Variants in SEM1 observed in about 807,000 individuals in gnomAD.
SEM1 encodes the protein 26S proteasome complex subunit SEM1.
SEM1 carries 3 observed loss-of-function variants against 12.7 expected under a neutral mutation model. The ratio of observed to expected loss-of-function variants is 0.24; its 90% CI spans 0.11 to 0.61. SEM1 has a LOEUF of 0.61. Among genes scored for constraint, SEM1 ranks in the 20% least tolerant of loss-of-function variants. SEM1 has a pLI of 0.88. For missense variants in SEM1, 59 were observed against 81.3 expected, an observed-to-expected ratio of 0.73 and a Z score of 1.06; for synonymous variants, 30 against 27.8, an observed-to-expected ratio of 1.08 and a Z score of -0.25.
intron 1 of SEM1, among the ~76,000 whole-genome samples, chr7:96,490,032 G>A (rs950768464): frequency 1.3e-5 from 2 of 151,976 alleles, no homozygotes; most frequent in African/African-American, 4.8e-5. Flanking sequence ...AATCCTGTAC[G>A]GAACCCTGAC....
chr7:96,627,541 A>G lies in SEM1; in HGVS notation c.171-4898T>C, dbSNP rs1808111486. The stretch of plus-strand genomic sequence containing the variant: ...TTTATTGACCCACTGGTCATTCAGG[A>G]GCATGTTGTTTAGTTTCCACGTACT... On this transcript the variant is annotated intron_variant, in intron 2 of 2. Transcript: ENST00000417009. Among the ~76,000 whole-genome samples, 3 of 151,966 alleles carry G rather than the reference A, an allele frequency of 2.0e-5. No individual in the cohort carries two copies. The South Asian group carries it at 6.2e-4, about 32-fold the overall frequency.
chr7:96,682,486 AG>A (rs1200956911), intron 2 of SEM1, among the ~76,000 whole-genome samples: 2 of 152,104 alleles, frequency 1.3e-5, no homozygotes. Context: ...GGATGCTTCC[AG>A]TTTTTGCCCA....
intron 2 of SEM1, among the ~76,000 whole-genome samples, chr7:96,660,307 G>A (rs1180122004): frequency 1.3e-5 from 2 of 152,054 alleles, no homozygotes; most frequent in African/African-American, 4.8e-5. Flanking sequence ...TAAATCAAAA[G>A]TTGATAGAAC....
intron 2 of SEM1, among the ~76,000 whole-genome samples, chr7:96,523,717 A>T (rs943469448): frequency 1.3e-5 from 2 of 152,050 alleles, no homozygotes; most frequent in Non-Finnish European, 2.9e-5. Flanking sequence ...ATCCTCAAAA[A>T]CTATTGAATG....
At chr7:96,690,961 C>T (rs1164935773) in intron 2 of SEM1, among the ~76,000 whole-genome samples, 2 of 151,980 alleles carry the variant, frequency 1.3e-5, no homozygotes, top group Non-Finnish European at 2.9e-5. Flanking sequence ...TTAGTAGAGA[C>T]GGGGTTTCAA....
At position 96,699,685 on chromosome 7, in the gene SEM1, G is replaced by A. The variant is rs139574421; in HGVS notation, c.77-4794C>T. Among the ~76,000 whole-genome samples the A allele has an allele frequency of 4.6e-5, 7 of 152,156 alleles. No homozygotes were observed. In the East Asian group the frequency reaches 1.4e-3, roughly 29 times the overall value. On this transcript the variant is annotated intron_variant, in intron 1 of 2. Transcript: ENST00000248566. ...AGCCCTGTTCAAAGGTTGCTACCTC[G>A]CACTGTACATAACTGGAAGTAATCT...
intron 2 of SEM1, chr7:96,649,165 A>G (rs1348261488): frequency 6.6e-6 from 1 of 152,244 alleles, no homozygotes. Flanking sequence ...TAAAGCATCC[A>G]TTAATGAAGG....
At chr7:96,643,714 C>A (rs1156266555) in intron 2 of SEM1, among the ~76,000 whole-genome samples, 2 of 152,012 alleles carry the variant, frequency 1.3e-5, no homozygotes. Context: ...AACAGAAAAC[C>A]AAACACCGCA....
At chr7:96,596,540 G>A (rs1208767196) in intron 2 of SEM1, among the ~76,000 whole-genome samples, 1 of 152,068 alleles carries the variant, frequency 6.6e-6, no homozygotes, top group Non-Finnish European at 1.5e-5. Context: ...TGAAGTATAG[G>A]ACCAGCCTAT....
downstream of SEM1, among the ~76,000 whole-genome samples, chr7:96,683,845 A>T (rs1584860753): frequency 6.6e-6 from 1 of 152,220 alleles, no homozygotes; most frequent in African/African-American, 2.4e-5. Context: ...ATACATGGAC[A>T]CAGGGAGGAG....
intron 2 of SEM1, among the ~76,000 whole-genome samples, chr7:96,534,367 T>C (rs542704129): frequency 4.0e-4 from 61 of 152,218 alleles, no homozygotes; most frequent in Non-Finnish European, 7.2e-4. Context: ...GATCTGTTGA[T>C]ACTGCCTTAT....
At chr7:96,586,007 T>A (rs1256411389) in intron 2 of SEM1, among the ~76,000 whole-genome samples, 3 of 152,194 alleles carry the variant, frequency 2.0e-5, no homozygotes, top group Admixed American at 6.5e-5. Context: ...ATTTCAGTTT[T>A]AAAAAAGTAT....
chr7:96,647,814 CAGGA>C (rs1376522536), intron 2 of SEM1, among the ~76,000 whole-genome samples: 4 of 152,180 alleles, frequency 2.6e-5, no homozygotes, highest in Admixed American at 2.0e-4. Flanking sequence ...ATCAGGAGAG[CAGGA>C]AGCTCACGTT....
At chr7:96,691,733 A>G (rs1337582444) in intron 2 of SEM1, among the ~76,000 whole-genome samples, 1 of 152,244 alleles carries the variant, frequency 6.6e-6, no homozygotes, top group Non-Finnish European at 1.5e-5. Context: ...TCAATATGGT[A>G]GTCATATGTG....
At chr7:96,672,591 T>C (rs1164341139), downstream of SEM1, 1 of 152,108 alleles carries the variant, frequency 6.6e-6, no homozygotes, top group East Asian at 1.9e-4. Flanking sequence ...AGAACAACAA[T>C]AACACCACTG....
intron 2 of SEM1, among the ~76,000 whole-genome samples, chr7:96,599,259 C>G (rs1227809433): frequency 6.6e-6 from 1 of 152,146 alleles, no homozygotes; most frequent in Non-Finnish European, 1.5e-5. Context: ...CTCTCTCTCT[C>G]TCTCTCTTTC....
intron 2 of SEM1, among the ~76,000 whole-genome samples, chr7:96,528,762 A>G (rs569476465): frequency 2.0e-5 from 3 of 152,268 alleles, no homozygotes; most frequent in South Asian, 4.1e-4. Flanking sequence ...ATCTGCAGTC[A>G]TCAAGCTCTC....
intron 2 of SEM1, among the ~76,000 whole-genome samples, chr7:96,581,628 C>G (rs1228257198): frequency 2.0e-5 from 3 of 152,066 alleles, no homozygotes; most frequent in Non-Finnish European, 4.4e-5. Context: ...CCATTTCTTT[C>G]TATCCTCTTT....
At chr7:96,695,653 C>CA (rs1361685540) in intron 1 of SEM1, 3 of 151,464 alleles carry the variant, frequency 2.0e-5, no homozygotes, top group East Asian at 3.9e-4. Flanking sequence ...TTTTATGTTA[C>CA]AAAAAAATAA....
Sources: gnomAD v4.1 joint callset for allele counts (sites outside exome capture counted in the v4.1 genomes callset) on GRCh38, gnomAD v4.1.1 for gene constraint, MANE v1.5 for transcripts, NCBI Gene and HGNC (gene_info 2026-07-23, HGNC 2026-07-21) for gene names.